The following SSX5 variants were observed in gnomAD, a reference collection of about 807,000 sequenced individuals.
The protein encoded by SSX5 is SSX family member 5.
In SSX5, 14 loss-of-function variants were observed where a neutral mutation model predicts 14.9. The ratio of observed to expected loss-of-function variants is 0.94; its 90% confidence interval spans 0.62 to 1.47. The LOEUF (loss-of-function observed/expected upper bound fraction) is 1.47, where lower values mean the gene tolerates loss of function less well. Among genes scored for constraint, SSX5 ranks in the 40% most tolerant of loss-of-function variants. The probability of loss-of-function intolerance (pLI) is 0.00; values close to 1 mark genes in which losing one functional copy is unlikely to be tolerated. For missense variants in SSX5, 204 were observed against 154.6 expected, an observed-to-expected ratio of 1.32 and a Z score of -1.70; for synonymous variants, 70 against 55.4, an observed-to-expected ratio of 1.26 and a Z score of -1.17.
chrX:48,194,143 T>C lies in SSX5; in HGVS notation c.266A>G (p.Asn89Ser), dbSNP rs782800687. ...FQGNDFDNDP[N>S]RGNQVEHPQM... ...CATCTACTCACCCTGATTCCCACGGTTAGGGTCATTATCAAAATCATTCCC... is the reference window on the plus strand; with the variant it reads ...CATCTACTCACCCTGATTCCCACGGCTAGGGTCATTATCAAAATCATTCCC... The change falls in exon 4 of 8, where the codon AAC (asparagine) becomes AGC (serine). Residue 89 changes from asparagine to serine, a missense_variant. By Grantham distance (46) the Asn-to-Ser change is conservative. Transcript: ENST00000347757. The C allele has an allele frequency of 8.3e-7, 1 of 1,207,798 alleles. No homozygotes were observed. The highest frequency in any genetic ancestry group is 1.8e-5 in the African/African-American group (1 of 56,736).
chrX:48,187,651 G>C lies in SSX5; in HGVS notation c.547C>G (p.Pro183Ala). 1 of 1,209,359 alleles carries C rather than the reference G, an allele frequency of 8.3e-7. No individual in the cohort carries two copies. The highest frequency in any genetic ancestry group is 1.8e-5 in the South Asian group (1 of 56,849). ...CGGAGTTACTCGTCATCTTCCTGAG[G>C]GTCGCTGATCTCTTCATAAATCACC... is the stretch of plus-strand genomic sequence containing the variant. ...QLVIYEEISD[P>A]QEDDE The change falls in exon 7 of 8, where the codon CCT becomes GCT. Residue 183 changes from proline (P) to alanine (A), a missense_variant. Transcript: ENST00000347757.
rs1263240414 is a variant in SSX5, at chrX:48,186,802, G to C, written c.*59C>G. On this transcript the variant is annotated 3_prime_UTR_variant, in exon 8 of 8. Coordinates refer to ENST00000347757, the MANE Select transcript of SSX5 (RefSeq NM_175723.2). ...GGGATCCGCAGCCATGCCCATGTTC[G>C]TGAAAGGTCACCACGTTCTGCTTCT... The C allele has an allele frequency of 8.3e-7, 1 of 1,197,954 alleles. No individual in the cohort carries two copies. The highest frequency in any genetic ancestry group is 2.2e-5 in the Admixed American group (1 of 46,042).
chrX:48,191,779 T>C (rs781995228), intron 5 of SSX5, among the ~76,000 whole-genome samples: 1 of 112,147 alleles, frequency 8.9e-6, no homozygotes, highest in Non-Finnish European at 1.9e-5. Flanking sequence ...AACATCTCTA[T>C]ACCCGGATAG....
chrX:48,186,422 G>C lies in SSX5; in HGVS notation c.*439C>G, dbSNP rs1461655660. 1.1e-5 allele frequency: 3 copies of C among 281,127 alleles called. No homozygotes were observed. Among genetic ancestry groups the C allele is most frequent in the Non-Finnish European group, 1.3e-5 (2 of 156,661 alleles). 23.2% of individuals were successfully genotyped at this position (281,127 alleles called of 1,213,427 possible). On this transcript the variant is annotated 3_prime_UTR_variant, in exon 8 of 8. Coordinates refer to ENST00000347757, the MANE Select transcript of SSX5 (RefSeq NM_175723.2). Reference sequence around the variant, plus strand: ...TGTGTGTGCGCGCGCGCGCGCATGTGTGTCTGTGTGGCATGTGTGTGTGTT... The same window carrying C: ...TGTGTGTGCGCGCGCGCGCGCATGTCTGTCTGTGTGGCATGTGTGTGTGTT...
At chrX:48,191,076 T>C (rs1209549942) in intron 5 of SSX5, among the ~76,000 whole-genome samples, 4 of 110,184 alleles carry the variant, frequency 3.6e-5, no homozygotes, top group Non-Finnish European at 7.6e-5. Flanking sequence ...CGCTAAGTTT[T>C]GTATTTTTAG....
At chrX:48,187,818 A>T (rs1266541146) in intron 6 of SSX5, 87 bp from the exon 7 acceptor site, 1 of 1,072,077 alleles carries the variant, frequency 9.3e-7, no homozygotes, top group Non-Finnish European at 1.3e-6. Context: ...TGTTTTCTCC[A>T]AAAAAGGAGA....
intron 3 of SSX5, 103 bp downstream of exon 3, chrX:48,194,637 A>G: frequency 1.0e-6 from 1 of 952,847 alleles, no homozygotes; most frequent in Non-Finnish European, 1.4e-6. Context: ...TCCCTGCACA[A>G]AAGGAAAACG....
chrX:48,193,476 G>A (rs1189472641), intron 4 of SSX5, among the ~76,000 whole-genome samples: 3 of 111,393 alleles, frequency 2.7e-5, no homozygotes, highest in Non-Finnish European at 5.6e-5. Flanking sequence ...GGCTGGGCGT[G>A]GTAACTCACA....
rs148984166 is a variant in SSX5 at position 48,194,560 on chromosome X, C to T, written c.184+180G>A. ...ATCCAGGTATGAGCTCCACTGTGGC[C>T]AGTCCCTGCCCTCAGCCCTGACAAG... On this transcript the variant is annotated intron_variant, in intron 3 of 7. Transcript: ENST00000347757. 8.8e-3 allele frequency among the ~76,000 whole-genome samples: 972 copies of T among 110,897 alleles called. 12 individuals carry two copies. The highest frequency in any genetic ancestry group is 0.012 in the Non-Finnish European group (660 of 52,843).
rs782341619 is a variant in SSX5 at position 48,195,295 on chromosome X, G to T, written c.64C>A (p.Gln22Lys). The T allele has an allele frequency of 8.3e-7, 1 of 1,211,300 alleles. No individual in the cohort carries two copies. Among genetic ancestry groups the T allele is most frequent in the South Asian group, 1.8e-5 (1 of 56,952 alleles). Residue 22 changes from glutamine (Q) to lysine (K), a missense_variant, in exon 2 of 8, where the codon CAA (glutamine) becomes AAA (lysine). By Grantham distance (53) the Gln-to-Lys change is moderately conservative. Transcript: ENST00000347757. ...CCCCCTGCAGGTCACCTCACCTTTT[G>T]CATCTTCTCTGGTATTTGAGAACCA... ...RVGSQIPEKM[Q>K]KAFDDIAKYF...
At chrX:48,195,203 C>T in intron 2 of SSX5, 87 bp downstream of exon 2, 1 of 1,206,926 alleles carries the variant, frequency 8.3e-7, no homozygotes. Context: ...TCCTTGTCCC[C>T]AGTACCTCTG....
chrX:48,191,062 G>A (rs1191432947), intron 5 of SSX5, among the ~76,000 whole-genome samples: 5 of 109,722 alleles, frequency 4.6e-5, no homozygotes, highest in South Asian at 8.1e-4. Context: ...GCACTACCAC[G>A]CCCCGCTAAG....
chrX:48,191,578 G>C (rs1332507694), intron 5 of SSX5, among the ~76,000 whole-genome samples: 1 of 111,717 alleles, frequency 9.0e-6, no homozygotes, highest in African/African-American at 3.3e-5. Flanking sequence ...CCCAGTAACA[G>C]ATCAGAGACC....
At chrX:48,194,622 A>G (rs1341874213) in intron 3 of SSX5, 118 bp downstream of exon 3, 2 of 869,963 alleles carry the variant, frequency 2.3e-6, no homozygotes, top group Non-Finnish European at 3.2e-6. Flanking sequence ...CTGCCTTGCC[A>G]TTTTTCCCTG....
chrX:48,189,556 G>T (rs1393262537), intron 6 of SSX5, among the ~76,000 whole-genome samples: 1 of 112,231 alleles, frequency 8.9e-6, no homozygotes, highest in Non-Finnish European at 1.9e-5. Flanking sequence ...TTTATACAAT[G>T]AATTATTTTA....
intron 2 of SSX5, 107 bp from the exon 3 acceptor site, chrX:48,194,961 G>A (rs782240132): frequency 1.4e-5 from 17 of 1,210,592 alleles, no homozygotes; most frequent in East Asian, 1.2e-4. Flanking sequence ...ATGATAATCC[G>A]TCCTGGTTGA....
chrX:48,189,077 A>G (rs1556924287), intron 6 of SSX5, among the ~76,000 whole-genome samples: 2 of 112,052 alleles, frequency 1.8e-5, no homozygotes, highest in East Asian at 5.6e-4. Context: ...AGGTTGGTTC[A>G]TGAGGTTTAA....
chrX:48,192,633 C>T (rs1417811790), intron 4 of SSX5, among the ~76,000 whole-genome samples: 1 of 112,499 alleles, frequency 8.9e-6, no homozygotes, highest in African/African-American at 3.2e-5. Context: ...TTTTACACTT[C>T]AAATGGGTGA....
Position 48,190,974 on chromosome X carries a change from G to A in SSX5, c.331-706C>T, listed in dbSNP as rs782153615. Among the ~76,000 whole-genome samples the A allele has an allele frequency of 8.4e-4, 92 of 108,905 alleles. No homozygotes were observed. In the Admixed American group the frequency reaches 8.6e-3, roughly 10 times the overall value. The allele number at this position is 108,905 out of a possible 115,157, so 94.6% of individuals were successfully genotyped here. ...GGCTGGAGTGCAGTGGCAGGATCTC[G>A]GCTCACTGCAACATCCAACTCCCAT... On this transcript the variant is annotated intron_variant, in intron 5 of 7. Coordinates refer to ENST00000347757, the MANE Select transcript of SSX5 (RefSeq NM_175723.2).
Sources: allele counts gnomAD v4.1 joint callset (sites outside exome capture counted in the v4.1 genomes callset), GRCh38; gene constraint gnomAD v4.1.1; transcripts MANE v1.5; gene names NCBI Gene and HGNC (gene_info 2026-07-23, HGNC 2026-07-21).